Variants in CNTNAP4 observed in about 807,000 individuals in gnomAD.
CNTNAP4 encodes contactin-associated protein-like 4.
CNTNAP4 carries 98 observed loss-of-function variants against 148.4 expected under a neutral mutation model. The observed-to-expected ratio is 0.66, with a 90% CI of 0.56 to 0.78. The LOEUF is 0.78. Among genes scored for constraint, CNTNAP4 ranks in the 30% least tolerant of loss-of-function variants. The probability of loss-of-function intolerance (pLI) is 0.00; values close to 1 mark genes in which losing one functional copy is unlikely to be tolerated. For missense variants in CNTNAP4, 1,935 were observed against 1,565.6 expected, an observed-to-expected ratio of 1.24 and a Z score of -3.98; for synonymous variants, 730 against 565.1, an observed-to-expected ratio of 1.29 and a Z score of -4.14.
At chr16:76,546,625 C>T (rs560518968) in intron 21 of CNTNAP4, among the ~76,000 whole-genome samples, 1 of 152,274 alleles carries the variant, frequency 6.6e-6, no homozygotes, top group South Asian at 2.1e-4. Flanking sequence ...TTATGTATTA[C>T]AATGCATAAT....
At chr16:76,391,943 TA>T (rs1393082312) in intron 3 of CNTNAP4, among the ~76,000 whole-genome samples, 2 of 152,224 alleles carry the variant, frequency 1.3e-5, no homozygotes, top group African/African-American at 4.8e-5. Flanking sequence ...TGTCAATAAA[TA>T]ATACGATGTA....
At chr16:76,305,891 A>G (rs1289453041) in intron 1 of CNTNAP4, among the ~76,000 whole-genome samples, 2 of 152,170 alleles carry the variant, frequency 1.3e-5, no homozygotes, top group African/African-American at 2.4e-5. Context: ...GCTCTCACTT[A>G]TAAGTGAGAA....
chr16:76,311,566 G>A (rs1257970439), intron 1 of CNTNAP4, among the ~76,000 whole-genome samples: 1 of 152,060 alleles, frequency 6.6e-6, no homozygotes, highest in South Asian at 2.1e-4. Context: ...TAAAGCTATC[G>A]TTTTACTACT....
At chr16:76,430,830 A>G (rs1337469266) in intron 4 of CNTNAP4, among the ~76,000 whole-genome samples, 1 of 152,192 alleles carries the variant, frequency 6.6e-6, no homozygotes, top group Non-Finnish European at 1.5e-5. Context: ...AGAACTACAC[A>G]ACCCGTGTTA....
chr16:76,444,133 T>C (rs1306290345), intron 4 of CNTNAP4, among the ~76,000 whole-genome samples: 2 of 152,170 alleles, frequency 1.3e-5, no homozygotes, highest in Non-Finnish European at 1.5e-5. Flanking sequence ...GAAAGCATGT[T>C]AGAATAATAT....
intron 2 of CNTNAP4, among the ~76,000 whole-genome samples, chr16:76,320,375 G>T (rs1962278089): frequency 6.6e-6 from 1 of 152,066 alleles, no homozygotes; most frequent in Admixed American, 6.6e-5. Context: ...AAACTGATAA[G>T]CAAAAAAGGC....
intron 13 of CNTNAP4, among the ~76,000 whole-genome samples, chr16:76,494,063 G>A (rs572046517): frequency 1.4e-5 from 2 of 142,624 alleles, no homozygotes; most frequent in African/African-American, 5.1e-5. Context: ...ATTCTCAGAT[G>A]ACTACAATTT....
intron 1 of CNTNAP4, among the ~76,000 whole-genome samples, chr16:76,305,763 G>A (rs9944363): frequency 0.27 from 40,618 of 152,018 alleles, 6,108 homozygotes; most frequent in Non-Finnish European, 0.35. Context: ...CACCCAGGTA[G>A]TGAGACTAGC....
intron 1 of CNTNAP4, among the ~76,000 whole-genome samples, chr16:76,289,829 C>A (rs1423227026): frequency 6.6e-6 from 1 of 152,122 alleles, no homozygotes; most frequent in Non-Finnish European, 1.5e-5. Context: ...CCTCAGCCTC[C>A]CAAAGTGCTG....
rs889236640 is a variant in CNTNAP4 at position 76,558,931 on chromosome 16, A to C, written c.*248A>C. On this transcript the variant is annotated 3_prime_UTR_variant, in exon 24 of 24. Coordinates refer to ENST00000611870, the MANE Select transcript of CNTNAP4 (RefSeq NM_033401.5). ...TTTCAACTGTTCTGGTATGATCTAA[A>C]ACAAGTTTAACCTGCTTAATGGCTA... 31 of 298,556 alleles carry C rather than the reference A, an allele frequency of 1.0e-4. No homozygotes were observed. In the East Asian group the frequency reaches 1.4e-3, roughly 14 times the overall value. The allele number at this position is 298,556 out of a possible 1,614,324, so 18.5% of individuals were successfully genotyped here. A position where few individuals can be genotyped will look rare whatever the true frequency, so the allele number is the denominator to read the frequency against.
Position 76,538,357 on chromosome 16 carries a change from T to TGA in CNTNAP4, c.3220+26_3220+27dup. On this transcript the variant is annotated intron_variant, in intron 19 of 23. Transcript: ENST00000611870. Reference sequence around the variant, plus strand: ...CCAAAAATGGTGAGTTCTTTTTAGATGAGAGAGAGAAAATTAAATTAGAAC... The same window carrying TGA: ...CCAAAAATGGTGAGTTCTTTTTAGATGAGAGAGAGAGAAAATTAAATTAGAAC... 6.5e-7 allele frequency: 1 copy of TGA among 1,548,990 alleles called. No homozygotes were observed. Among genetic ancestry groups the TGA allele is most frequent in the Non-Finnish European group, 8.9e-7 (1 of 1,126,442 alleles).
At chr16:76,554,737 T>G (rs1294504835) in intron 23 of CNTNAP4, among the ~76,000 whole-genome samples, 1 of 151,996 alleles carries the variant, frequency 6.6e-6, no homozygotes, top group African/African-American at 2.4e-5. Context: ...TTTAAAGTTT[T>G]TGTGCCAGTA....
intron 2 of CNTNAP4, among the ~76,000 whole-genome samples, chr16:76,349,271 A>T (rs562942256): frequency 2.2e-4 from 34 of 152,018 alleles, no homozygotes; most frequent in African/African-American, 7.5e-4. Flanking sequence ...CTGTTCTCCA[A>T]ATGTCCTCAC....
rs2079416066 is a variant in CNTNAP4, at chr16:76,426,645, A to G, written c.391-807A>G. Reference sequence around the variant, plus strand: ...GGTAAGCTACCTATTATGTCGATGCATCCTGATTTTATGGAAGAAACATAG... The same window carrying G: ...GGTAAGCTACCTATTATGTCGATGCGTCCTGATTTTATGGAAGAAACATAG... On this transcript the variant is annotated intron_variant, in intron 3 of 23. Coordinates refer to ENST00000611870, the MANE Select transcript of CNTNAP4 (RefSeq NM_033401.5). Among the ~76,000 whole-genome samples the G allele has an allele frequency of 3.9e-5, 6 of 152,274 alleles. No individual in the cohort carries two copies. The South Asian group carries it at 1.2e-3, about 32-fold the overall frequency.
At chr16:76,472,205 A>G (rs955669712) in intron 10 of CNTNAP4, among the ~76,000 whole-genome samples, 2 of 151,448 alleles carry the variant, frequency 1.3e-5, no homozygotes, top group Admixed American at 6.6e-5. Flanking sequence ...GGTTTAGAAC[A>G]TTTGGTGAGA....
At chr16:76,307,188 G>A (rs115978072) in intron 1 of CNTNAP4, among the ~76,000 whole-genome samples, 12 of 152,026 alleles carry the variant, frequency 7.9e-5, no homozygotes, top group African/African-American at 2.4e-4. Context: ...ATATAATATC[G>A]TAATTAATTT....
At chr16:76,422,112 A>G (rs1242124030) in intron 3 of CNTNAP4, among the ~76,000 whole-genome samples, 2 of 152,180 alleles carry the variant, frequency 1.3e-5, no homozygotes, top group Non-Finnish European at 2.9e-5. Flanking sequence ...TTAATTCATT[A>G]ACTCCATAAA....
intron 2 of CNTNAP4, among the ~76,000 whole-genome samples, chr16:76,325,015 C>T (rs1488813053): frequency 6.6e-6 from 1 of 152,108 alleles, no homozygotes. Flanking sequence ...CTTGACATAC[C>T]TGAGAGAAAC....
intron 3 of CNTNAP4, among the ~76,000 whole-genome samples, chr16:76,383,822 G>A (rs1320445592): frequency 6.6e-6 from 1 of 152,138 alleles, no homozygotes; most frequent in Non-Finnish European, 1.5e-5. Context: ...ACTTGGAGGG[G>A]ACATGGGTGT....
Sources: gnomAD v4.1 joint callset for allele counts (sites outside exome capture counted in the v4.1 genomes callset) on GRCh38, gnomAD v4.1.1 for gene constraint, MANE v1.5 for transcripts, NCBI Gene and HGNC (gene_info 2026-07-23, HGNC 2026-07-21) for gene names.